The following NBPF26 variants were observed in gnomAD, a reference collection of about 807,000 sequenced individuals.
NBPF26 encodes the protein NBPF family member NBPF26.
A neutral mutation model predicts 119.6 loss-of-function variants in NBPF26; 79 were observed. The observed-to-expected ratio is 0.66, with a 90% CI of 0.55 to 0.80. The LOEUF is 0.80. Among genes scored for constraint, NBPF26 ranks in the 30% least tolerant of loss-of-function variants. NBPF26 has a pLI of 0.00. For missense variants in NBPF26, 800 were observed against 1,198.2 expected, an observed-to-expected ratio of 0.67 and a Z score of 4.91; for synonymous variants, 299 against 457.7, an observed-to-expected ratio of 0.65 and a Z score of 4.43.
chr1:120,730,619 C>T (rs1650865462), intron 1 of NBPF26, among the ~76,000 whole-genome samples: 1 of 115,104 alleles, frequency 8.7e-6, no homozygotes, highest in Non-Finnish European at 1.7e-5. Flanking sequence ...AGAATATTAT[C>T]TGTGTGGCAG....
chr1:120,784,976 G>T, exon 3 of NBPF26: 1 of 1,409,548 alleles, frequency 7.1e-7, no homozygotes, highest in South Asian at 1.2e-5. Context: ...CCATACAGAT[G>T]TCCAGAAGGC....
chr1:120,803,208 CAG>C (rs1651601679), intron 4 of NBPF26, among the ~76,000 whole-genome samples: 2 of 131,086 alleles, frequency 1.5e-5, no homozygotes, highest in African/African-American at 6.4e-5. Flanking sequence ...AATCTCAAAA[CAG>C]AAATCAGAAA....
At chr1:120,820,449 T>A (rs1197467901) in intron 15 of NBPF26, among the ~76,000 whole-genome samples, 145 of 5,626 alleles carry the variant, frequency 0.026, 7 homozygotes, top group East Asian at 0.25. Context: ...GTATTAAAAA[T>A]ATATATATAT....
intron 2 of NBPF26, among the ~76,000 whole-genome samples, chr1:120,783,821 A>G (rs1214073291): frequency 8.9e-5 from 10 of 111,882 alleles, no homozygotes; most frequent in Non-Finnish European, 1.4e-4. Flanking sequence ...AGTTAGACAG[A>G]GGGAGTCATA....
chr1:120,825,356 T>C (rs1357708680), intron 18 of NBPF26, among the ~76,000 whole-genome samples, 158 bp from the exon 20 acceptor site: 3 of 122,074 alleles, frequency 2.5e-5, no homozygotes, highest in African/African-American at 4.6e-5. Context: ...TACCTGGCCC[T>C]GGTTTATCCC....
chr1:120,811,789 G>A lies in NBPF26; in HGVS notation c.1565-97G>A, dbSNP rs1651872769. ...AAACCAGGGAAACATCTTCAAATAA[G>A]TAAACAAGGCTACCAGTGACATCCC... On this transcript the variant is annotated intron_variant, in intron 9 of 29. Transcript: ENST00000620612. 1.0e-5 allele frequency: 7 copies of A among 671,338 alleles called. 2 individuals carry two copies. The highest frequency in any genetic ancestry group is 7.6e-5 in the East Asian group (3 of 39,436). The allele number at this position is 671,338 out of a possible 1,614,324, so 41.6% of individuals were successfully genotyped here.
Position 120,840,365 on chromosome 1 carries a change from G to C in NBPF26, c.4119G>C (p.Leu1373=), listed in dbSNP as rs1652487003. ...CCTTTTGCAGGCTCAACAGCATGCT[G>C]ATGGAAGTGGAAGAGCCTGAAGTCT... The change falls in exon 30 of 30, where the codon CTG becomes CTC. Residue 1373 remains leucine (L), a synonymous_variant. Transcript: ENST00000620612. The C allele has an allele frequency of 4.1e-6, 6 of 1,457,326 alleles. No individual in the cohort carries two copies. In the African/African-American group the frequency reaches 9.3e-5, roughly 23 times the overall value. 90.3% of individuals were successfully genotyped at this position (1,457,326 alleles called of 1,614,324 possible).
chr1:120,840,738 G>A (rs1652502737), downstream of NBPF26: 9 of 1,166,244 alleles, frequency 7.7e-6, 2 homozygotes, highest in Non-Finnish European at 1.0e-5. Context: ...CTCAAACCAT[G>A]CCAGTGGCAA....
chr1:120,803,332 CAA>C (rs1651602983), intron 4 of NBPF26, among the ~76,000 whole-genome samples: 2 of 134,440 alleles, frequency 1.5e-5, no homozygotes, highest in African/African-American at 6.3e-5. Flanking sequence ...TATAAAAAGG[CAA>C]AAGTCTTAGT....
Position 120,765,115 on chromosome 1 carries a change from G to A in NBPF26, c.155+1406G>A, listed in dbSNP as rs1423055802. On this transcript the variant is annotated intron_variant, in intron 2 of 29. Transcript: ENST00000620612. Reference sequence around the variant, plus strand: ...GAATAAAGATAACATTGGAAATAAAGGTTTTATGTAGCTTATTATGAGCTG... The same window carrying A: ...GAATAAAGATAACATTGGAAATAAAAGTTTTATGTAGCTTATTATGAGCTG... Among the ~76,000 whole-genome samples the A allele has an allele frequency of 4.3e-5, 5 of 116,010 alleles. 1 individual carries two copies. Among genetic ancestry groups the A allele is most frequent in the Non-Finnish European group, 8.4e-5 (5 of 59,570 alleles). 76.1% of individuals were successfully genotyped at this position (116,010 alleles called of 152,430 possible). A position where few individuals can be genotyped will look rare whatever the true frequency, so the allele number is the denominator to read the frequency against.
At chr1:120,825,613 C>A in intron 18 of NBPF26, among the ~76,000 whole-genome samples, 1 of 86,596 alleles carries the variant, frequency 1.2e-5, no homozygotes, top group Non-Finnish European at 2.0e-5. Context: ...AACTGACTGA[C>A]TCATGCCAGC....
intron 3 of NBPF26, among the ~76,000 whole-genome samples, chr1:120,790,276 A>C (rs1292106205): frequency 1.8e-5 from 2 of 109,564 alleles, no homozygotes; most frequent in Non-Finnish European, 3.4e-5. Flanking sequence ...GGCCTCCCAA[A>C]GTGCTGGGAT....
At chr1:120,790,020 T>TC (rs1651466494) in intron 3 of NBPF26, among the ~76,000 whole-genome samples, 1 of 64,116 alleles carries the variant, frequency 1.6e-5, no homozygotes, top group African/African-American at 1.2e-4. Context: ...CTTTTTTTTT[T>TC]TTTTTTTTTT....
chr1:120,811,327 C>G (rs1651860147), intron 9 of NBPF26, among the ~76,000 whole-genome samples: 1 of 110,452 alleles, frequency 9.1e-6, no homozygotes, highest in Non-Finnish European at 1.7e-5. Flanking sequence ...GGGCGGAACA[C>G]CTGAGCTCAG....
In NBPF26 at chr1:120,802,461, G is replaced by A. The variant is rs1261924313; in HGVS notation, c.752-3095G>A. Among the ~76,000 whole-genome samples the A allele has an allele frequency of 4.0e-5, 5 of 126,278 alleles. 1 individual carries two copies. Among genetic ancestry groups the A allele is most frequent in the South Asian group, 4.7e-4 (2 of 4,234 alleles). The allele number at this position is 126,278 out of a possible 152,430, so 82.8% of individuals were successfully genotyped here. A position where few individuals can be genotyped will look rare whatever the true frequency, so the allele number is the denominator to read the frequency against. ...AGAAGTAAAGGAGATCTGGCTTGCT[G>A]GACTCCATTTGAACTTTGAGTACAA... On this transcript the variant is annotated intron_variant, in intron 4 of 29. Coordinates refer to ENST00000620612, the Ensembl canonical transcript of NBPF26.
Position 120,823,335 on chromosome 1 carries a change from G to A in NBPF26, c.2614G>A (p.Glu872Lys). Reference sequence around the variant, plus strand: ...ACATCGGTGGGATCAAGTGAAAAAGGAGGACCACGAGGCAACAGGTCCCAG... The same window carrying A: ...ACATCGGTGGGATCAAGTGAAAAAGAAGGACCACGAGGCAACAGGTCCCAG... Residue 872 changes from glutamate (E) to lysine (K), a missense_variant, in exon 17 of 30, where the codon GAG (glutamate) becomes AAG (lysine). Glu to Lys is a moderately conservative substitution (Grantham distance 56, BLOSUM62 1). Coordinates refer to ENST00000620612, the Ensembl canonical transcript of NBPF26. 3 of 1,424,158 alleles carry A rather than the reference G, an allele frequency of 2.1e-6. 1 individual carries two copies. Among genetic ancestry groups the A allele is most frequent in the Non-Finnish European group, 2.8e-6 (3 of 1,071,760 alleles). 88.2% of individuals were successfully genotyped at this position (1,424,158 alleles called of 1,614,324 possible).
rs1553270974 is a variant in NBPF26 at position 120,811,473 on chromosome 1, C to T, written c.1565-413C>T. Among the ~76,000 whole-genome samples, 14 of 110,468 alleles carry T rather than the reference C, an allele frequency of 1.3e-4. 4 individuals carry two copies. Among genetic ancestry groups the T allele is most frequent in the South Asian group, 1.0e-3 (4 of 3,928 alleles). 72.5% of individuals were successfully genotyped at this position (110,468 alleles called of 152,430 possible). A position where few individuals can be genotyped will look rare whatever the true frequency, so the allele number is the denominator to read the frequency against. ...GGGATGAGAATCACTTGAACCCGGG[C>T]GGCAGAGGTGGCAGTGAGCTGAGAT... On this transcript the variant is annotated intron_variant, in intron 9 of 29. Coordinates refer to ENST00000620612, the Ensembl canonical transcript of NBPF26.
intron 1 of NBPF26, among the ~76,000 whole-genome samples, chr1:120,762,551 G>C (rs1468780169): frequency 9.1e-6 from 1 of 109,898 alleles, no homozygotes; most frequent in Admixed American, 8.8e-5. Context: ...TTGCTTTCAG[G>C]TATTTATACA....
At chr1:120,765,160 T>A (rs1651177087) in intron 2 of NBPF26, among the ~76,000 whole-genome samples, 1 of 121,264 alleles carries the variant, frequency 8.2e-6, no homozygotes, top group Admixed American at 7.8e-5. Context: ...TTTTTCTAGC[T>A]GGGGGAAAAA....
Sources: allele counts gnomAD v4.1 joint callset (sites outside exome capture counted in the v4.1 genomes callset), GRCh38; gene constraint gnomAD v4.1.1; transcripts MANE v1.5; gene names NCBI Gene and HGNC (gene_info 2026-07-23, HGNC 2026-07-21).